Variants in P4HB observed in about 807,000 individuals in gnomAD.
P4HB encodes the protein protein disulfide-isomerase.
A neutral mutation model predicts 52.6 loss-of-function variants in P4HB; 20 were observed. The observed-to-expected ratio is 0.38, with a 90% CI of 0.27 to 0.55. The LOEUF is 0.55. Ranked by LOEUF, P4HB falls within the 20% of genes least tolerant of loss-of-function variation. The pLI is 0.74. For synonymous variants in P4HB, 296 were observed against 277.9 expected (o/e 1.07, Z -0.65); for missense variants, 601 against 669.2 (o/e 0.90, Z 1.12).
At position 81,846,270 on chromosome 17, in the gene P4HB, A is replaced by C; in HGVS notation, c.1056+159T>G. 1.4e-6 allele frequency: 1 copy of C among 740,466 alleles called. No homozygotes were observed. 45.9% of individuals were successfully genotyped at this position (740,466 alleles called of 1,614,324 possible). On this transcript the variant is annotated intron_variant, in intron 7 of 10. Coordinates refer to ENST00000331483, the MANE Select transcript of P4HB (RefSeq NM_000918.4). The surrounding 1 kb of genome is among the most constrained non-coding windows in gnomAD (Gnocchi z 5.7). Reference sequence around the variant, plus strand: ...CAAGAGGGCTCCTACAGGTCCCCAAAGGTGTGACAAGAATGGTGGTCTTCA... The same window carrying C: ...CAAGAGGGCTCCTACAGGTCCCCAACGGTGTGACAAGAATGGTGGTCTTCA...
In P4HB at chr17:81,855,691, G is replaced by T; in HGVS notation, c.353-105C>A. 7.6e-7 allele frequency: 1 copy of T among 1,323,700 alleles called. No individual in the cohort carries two copies. Among genetic ancestry groups the T allele is most frequent in the Non-Finnish European group, 1.0e-6 (1 of 970,992 alleles). The allele number at this position is 1,323,700 out of a possible 1,614,324, so 82.0% of individuals were successfully genotyped here. A position where few individuals can be genotyped will look rare whatever the true frequency, so the allele number is the denominator to read the frequency against. On this transcript the variant is annotated intron_variant, in intron 2 of 10. Coordinates refer to ENST00000331483, the MANE Select transcript of P4HB (RefSeq NM_000918.4). The surrounding 1 kb of genome is among the most constrained non-coding windows in gnomAD (Gnocchi z 4.3). ...TCTGCCAGCCAGGCTGAGGACACCTGAATCAACCTAAGTAAGATGTTCTCC... is the reference window on the plus strand; with the variant it reads ...TCTGCCAGCCAGGCTGAGGACACCTTAATCAACCTAAGTAAGATGTTCTCC...
Position 81,855,009 on chromosome 17 carries a change from G to A in P4HB, c.624+133C>T. 1 of 852,900 alleles carries A rather than the reference G, an allele frequency of 1.2e-6. No homozygotes were observed. The highest frequency in any genetic ancestry group is 2.4e-5 in the East Asian group (1 of 41,094). 52.8% of individuals were successfully genotyped at this position (852,900 alleles called of 1,614,324 possible). On this transcript the variant is annotated intron_variant, in intron 4 of 10. Coordinates refer to ENST00000331483, the MANE Select transcript of P4HB (RefSeq NM_000918.4). This position sits in a 1 kb window ranked among gnomAD's most constrained non-coding sequence, Gnocchi z 4.3. ...GGCATCAGCGCAACACCCCAACTTG[G>A]CAAAGCTGCAGAACATACCTATTGG...
chr17:81,846,699 C>G lies in P4HB; in HGVS notation c.856-70G>C. 6.7e-7 allele frequency: 1 copy of G among 1,483,968 alleles called. No homozygotes were observed. The highest frequency in any genetic ancestry group is 9.3e-7 in the Non-Finnish European group (1 of 1,075,158). The allele number at this position is 1,483,968 out of a possible 1,614,324, so 91.9% of individuals were successfully genotyped here. A position where few individuals can be genotyped will look rare whatever the true frequency, so the allele number is the denominator to read the frequency against. ...CTCTGCCTCCAGCCCTGACTTTGCT[C>G]GGAAGCAGACCGTGCTCCGGTGCCT... On this transcript the variant is annotated intron_variant, in intron 6 of 10. Transcript: ENST00000331483. The surrounding 1 kb of genome is among the most constrained non-coding windows in gnomAD (Gnocchi z 5.7).
intron 2 of P4HB, among the ~76,000 whole-genome samples, chr17:81,858,069 C>A (rs902513905): frequency 8.6e-5 from 13 of 152,000 alleles, no homozygotes; most frequent in Non-Finnish European, 1.8e-4. Context: ...AGGTCACGAT[C>A]GAGACCATCC....
chr17:81,849,584 G>A lies in P4HB; in HGVS notation c.625-2237C>T, dbSNP rs535960113. ...TCTAATACAACAGATCCTGAAAGGC[G>A]CAATCCACGTGCCTGTAAGGCCCTG... On this transcript the variant is annotated intron_variant, in intron 4 of 10. Coordinates refer to ENST00000331483, the MANE Select transcript of P4HB (RefSeq NM_000918.4). Among the ~76,000 whole-genome samples, 45 of 152,268 alleles carry A rather than the reference G, an allele frequency of 3.0e-4. No homozygotes were observed. In the South Asian group the frequency reaches 5.2e-3, roughly 18 times the overall value.
Position 81,845,676 on chromosome 17 carries a change from T to C in P4HB, c.1244A>G (p.Lys415Arg), listed in dbSNP as rs752843431. 3.7e-6 allele frequency: 6 copies of C among 1,613,980 alleles called. No homozygotes were observed. Among genetic ancestry groups the C allele is most frequent in the Non-Finnish European group, 4.2e-6 (5 of 1,179,862 alleles). Residue 415 changes from lysine to arginine, a missense_variant, in exon 9 of 11, where the codon AAG becomes AGG. Lys to Arg is a conservative substitution (Grantham distance 26). Transcript: ENST00000331483. ...GGCGATGACGATGTTCTCATGGTCC[T>C]TGTACGTCTCTCCCAGTTTATCCCA... ...PIWDKLGETY[K>R]DHENIVIAKM...
chr17:81,846,410 C>A lies in P4HB; in HGVS notation c.1056+19G>T, dbSNP rs1259105394. The A allele has an allele frequency of 6.2e-7, 1 of 1,612,292 alleles. No individual in the cohort carries two copies. Among genetic ancestry groups the A allele is most frequent in the Non-Finnish European group, 8.5e-7 (1 of 1,179,550 alleles). On this transcript the variant is annotated intron_variant, in intron 7 of 10. Coordinates refer to ENST00000331483, the MANE Select transcript of P4HB (RefSeq NM_000918.4). The surrounding 1 kb of genome is among the most constrained non-coding windows in gnomAD (Gnocchi z 5.7). ...GGCTCTACCCGGGAGGCAGCCCTGGCCCGGGGACGCGCCTGCACCTTGATT... is the reference window on the plus strand; with the variant it reads ...GGCTCTACCCGGGAGGCAGCCCTGGACCGGGGACGCGCCTGCACCTTGATT...
chr17:81,844,122 C>T, intron 10 of P4HB, 30 bp from the exon 11 acceptor site: 2 of 1,514,450 alleles, frequency 1.3e-6, no homozygotes, highest in Non-Finnish European at 1.8e-6. Flanking sequence ...GCGGGGCGGG[C>T]AGGTTGGCTG....
chr17:81,846,043 G>GA lies in P4HB; in HGVS notation c.1057-53dup. 1 of 1,538,738 alleles carries GA rather than the reference G, an allele frequency of 6.5e-7. No homozygotes were observed. The stretch of plus-strand genomic sequence containing the variant: ...GGGCGGCGATGCCTGGGGGACCACA[G>GA]AGCTCCCCAACCCTCACCCTGCCCG... On this transcript the variant is annotated intron_variant, in intron 7 of 10. Transcript: ENST00000331483. The surrounding 1 kb of genome is among the most constrained non-coding windows in gnomAD (Gnocchi z 5.7).
rs556537339 is a variant in P4HB, at chr17:81,844,243, G to C, written c.1447-151C>G. 182 of 711,336 alleles carry C rather than the reference G, an allele frequency of 2.6e-4. 1 individual carries two copies. In the African/African-American group the frequency reaches 2.9e-3, roughly 12 times the overall value. 44.1% of individuals were successfully genotyped at this position (711,336 alleles called of 1,614,324 possible). ...TGGAGCAGCCAACCCTGGTCTTTAC[G>C]AGCTACACAGGGGTCTTCCCAGGAA... On this transcript the variant is annotated intron_variant, in intron 10 of 10. Transcript: ENST00000331483.
At chr17:81,856,498 C>A (rs1188147864) in intron 2 of P4HB, among the ~76,000 whole-genome samples, 3 of 151,802 alleles carry the variant, frequency 2.0e-5, no homozygotes, top group Non-Finnish European at 4.4e-5. Flanking sequence ...CCACCACACC[C>A]GGCTAATTTT....
At chr17:81,852,508 T>G (rs1345237155) in intron 4 of P4HB, among the ~76,000 whole-genome samples, 1 of 152,216 alleles carries the variant, frequency 6.6e-6, no homozygotes, top group African/African-American at 2.4e-5. Flanking sequence ...GGGCAGCCCC[T>G]ACCACGTGCA....
intron 4 of P4HB, among the ~76,000 whole-genome samples, chr17:81,854,521 G>A (rs1028794052): frequency 2.8e-5 from 4 of 144,794 alleles, no homozygotes; most frequent in African/African-American, 1.0e-4. Flanking sequence ...CAGCCTGGGC[G>A]GCAGAGTGAG....
At position 81,860,378 on chromosome 17, in the gene P4HB, T is replaced by C. The variant is rs1417801412; in HGVS notation, c.94A>G (p.Ser32Gly). The C allele has an allele frequency of 2.0e-6, 3 of 1,473,458 alleles. No homozygotes were observed. Among genetic ancestry groups the C allele is most frequent in the East Asian group, 6.1e-5 (2 of 32,966 alleles). The allele number at this position is 1,473,458 out of a possible 1,614,324, so 91.3% of individuals were successfully genotyped here. ...EEDHVLVLRK[S>G]NFAEALAAHK... ...GCCGCCAGCGCCTCCGCGAAGTTGC[T>C]TTTCCGCAGCACCAGGACGTGGTCC... Residue 32 changes from serine (S) to glycine (G), a missense_variant, in exon 1 of 11, where the codon AGC becomes GGC. Physicochemically the swap from Ser to Gly is moderately conservative, Grantham distance 56. Transcript: ENST00000331483.
Position 81,855,773 on chromosome 17 carries a change from G to A in P4HB, c.353-187C>T. 1.7e-6 allele frequency: 1 copy of A among 597,876 alleles called. No individual in the cohort carries two copies. Among genetic ancestry groups the A allele is most frequent in the Non-Finnish European group, 2.9e-6 (1 of 346,434 alleles). 37.0% of individuals were successfully genotyped at this position (597,876 alleles called of 1,614,324 possible). On this transcript the variant is annotated intron_variant, in intron 2 of 10. Transcript: ENST00000331483. This position sits in a 1 kb window ranked among gnomAD's most constrained non-coding sequence, Gnocchi z 4.3. ...GCCTCCTAAACCCCAGTGTACGTGA[G>A]ACTGTGGTTGTGTTTATGGGGAGTG...
Position 81,846,401 on chromosome 17 carries a change from C to T in P4HB, c.1056+28G>A, listed in dbSNP as rs1201137318. ...CAAGGTGGCGGCTCTACCCGGGAGGCAGCCCTGGCCCGGGGACGCGCCTGC... is the reference window on the plus strand; with the variant it reads ...CAAGGTGGCGGCTCTACCCGGGAGGTAGCCCTGGCCCGGGGACGCGCCTGC... On this transcript the variant is annotated intron_variant, in intron 7 of 10. Coordinates refer to ENST00000331483, the MANE Select transcript of P4HB (RefSeq NM_000918.4). The surrounding 1 kb of genome is among the most constrained non-coding windows in gnomAD (Gnocchi z 5.7). 1.9e-6 allele frequency: 3 copies of T among 1,608,332 alleles called. No individual in the cohort carries two copies. Among genetic ancestry groups the T allele is most frequent in the Non-Finnish European group, 2.6e-6 (3 of 1,176,248 alleles).
rs531626630 is a variant in P4HB at position 81,856,334 on chromosome 17, C to CT, written c.353-749dup. Among the ~76,000 whole-genome samples, 653 of 130,860 alleles carry CT rather than the reference C, an allele frequency of 5.0e-3. 4 individuals are homozygous for CT. The highest frequency in any genetic ancestry group is 0.014 in the African/African-American group (488 of 34,484). The allele number at this position is 130,860 out of a possible 152,430, so 85.8% of individuals were successfully genotyped here. ...GGCATGTGCCACCACACCCAACTAA[C>CT]TTTTTTTTTTTTTTTTTTTTGAGGC... On this transcript the variant is annotated intron_variant, in intron 2 of 10. Coordinates refer to ENST00000331483, the MANE Select transcript of P4HB (RefSeq NM_000918.4).
chr17:81,855,634 C>T lies in P4HB; in HGVS notation c.353-48G>A. The T allele has an allele frequency of 6.3e-7, 1 of 1,583,388 alleles. No individual in the cohort carries two copies. Among genetic ancestry groups the T allele is most frequent in the Non-Finnish European group, 8.6e-7 (1 of 1,162,722 alleles). On this transcript the variant is annotated intron_variant, in intron 2 of 10. Coordinates refer to ENST00000331483, the MANE Select transcript of P4HB (RefSeq NM_000918.4). The surrounding 1 kb of genome is among the most constrained non-coding windows in gnomAD (Gnocchi z 4.3). ...TCTACTCTCAAACAGGGAGTGCCGC[C>T]TGCCCTGCCGCGCCTGCTCCCGTCT...
At position 81,843,196 on chromosome 17, in the gene P4HB, T is replaced by C; in HGVS notation, c.*816A>G. ...TTTCAACTTTATTTGGCCAATGTGT[T>C]CAATTCGATTGTGAAATAGAAATGC... On this transcript the variant is annotated 3_prime_UTR_variant, in exon 11 of 11. Transcript: ENST00000331483. 2 of 288,094 alleles carry C rather than the reference T, an allele frequency of 6.9e-6. No individual in the cohort carries two copies. The allele number at this position is 288,094 out of a possible 1,614,324, so 17.8% of individuals were successfully genotyped here. A position where few individuals can be genotyped will look rare whatever the true frequency, so the allele number is the denominator to read the frequency against.
Sources: allele counts gnomAD v4.1 joint callset (sites outside exome capture counted in the v4.1 genomes callset), GRCh38; gene constraint gnomAD v4.1.1; non-coding constraint Gnocchi (gnomAD v3.1); transcripts MANE v1.5; gene names NCBI Gene and HGNC (gene_info 2026-07-23, HGNC 2026-07-21).